Variants in PLCH1 observed in about 807,000 individuals in gnomAD.
The protein encoded by PLCH1 is 1-phosphatidylinositol 4,5-bisphosphate phosphodiesterase eta-1.
PLCH1 carries 60 observed loss-of-function variants against 126.7 expected under a neutral mutation model. The ratio of observed to expected loss-of-function variants is 0.47; its 90% confidence interval spans 0.38 to 0.59. PLCH1 has a LOEUF of 0.59. Ranked by LOEUF, PLCH1 falls within the 20% of genes least tolerant of loss-of-function variation. The probability of loss-of-function intolerance (pLI) is 0.00; values close to 1 mark genes in which losing one functional copy is unlikely to be tolerated. For missense variants in PLCH1, 1,723 were observed against 2,040.0 expected (o/e 0.84, Z 2.99); for synonymous variants, 719 against 734.9 (o/e 0.98, Z 0.35).
At chr3:155,566,404 G>T (rs113159057) in intron 7 of PLCH1, among the ~76,000 whole-genome samples, 2,817 of 146,462 alleles carry the variant, frequency 0.019, 158 homozygotes, top group African/African-American at 0.069. Context: ...GACTTTTTAA[G>T]AATTTTGACT....
chr3:155,664,180 A>T (rs192989776), intron 2 of PLCH1, among the ~76,000 whole-genome samples: 74 of 152,184 alleles, frequency 4.9e-4, no homozygotes, highest in Non-Finnish European at 8.2e-4. Context: ...CTGGGACTGA[A>T]CTCAGGGTGC....
rs896626699 is a variant in PLCH1 at position 155,698,663 on chromosome 3, T to C, written c.79+5483A>G. ...CATAAATGCCAGCATTTTGCTGATA[T>C]GGAAAACTTAGTCCCAAAGAGAACA... On this transcript the variant is annotated intron_variant, in intron 2 of 22. Coordinates refer to ENST00000460012, the MANE Select transcript of PLCH1 (RefSeq NM_014996.4). Among the ~76,000 whole-genome samples the C allele has an allele frequency of 4.6e-5, 7 of 152,326 alleles. No homozygotes were observed. In the East Asian group the frequency reaches 1.3e-3, roughly 29 times the overall value.
chr3:155,501,125 A>G (rs1717825669), intron 13 of PLCH1, among the ~76,000 whole-genome samples: 1 of 152,214 alleles, frequency 6.6e-6, no homozygotes, highest in African/African-American at 2.4e-5. Context: ...TATGTAAATG[A>G]TTATAAGGGA....
intron 8 of PLCH1, among the ~76,000 whole-genome samples, chr3:155,559,163 G>C (rs537730): frequency 0.49 from 74,855 of 151,968 alleles, 21,542 homozygotes; most frequent in Non-Finnish European, 0.66. Flanking sequence ...TGCAATTCAA[G>C]AGTCAGACCA....
chr3:155,480,645 C>T lies in PLCH1; in HGVS notation c.*323G>A, dbSNP rs1713868340. On this transcript the variant is annotated 3_prime_UTR_variant, in exon 23 of 23. Coordinates refer to ENST00000460012, the MANE Select transcript of PLCH1 (RefSeq NM_014996.4). ...TACATTTGTGACTGCAATCTGAGGA[C>T]ACAGTAAAGGACATCTTGGTGAAAC... The T allele has an allele frequency of 4.6e-6, 1 of 216,458 alleles. No homozygotes were observed. The highest frequency in any genetic ancestry group is 2.3e-5 in the African/African-American group (1 of 43,932). The allele number at this position is 216,458 out of a possible 1,614,324, so 13.4% of individuals were successfully genotyped here.
intron 21 of PLCH1, among the ~76,000 whole-genome samples, chr3:155,453,314 G>C (rs1024205484): frequency 6.6e-6 from 1 of 152,124 alleles, no homozygotes; most frequent in African/African-American, 2.4e-5. Context: ...GGGATACATG[G>C]TATAATTTAA....
chr3:155,672,003 A>G (rs1196193229), intron 2 of PLCH1, among the ~76,000 whole-genome samples: 1 of 152,208 alleles, frequency 6.6e-6, no homozygotes, highest in African/African-American at 2.4e-5. Context: ...GGCGTAACAA[A>G]AAACTCTATT....
In PLCH1 at chr3:155,593,947, T is replaced by C. The variant is rs758315778; in HGVS notation, c.464A>G (p.His155Arg). 6.2e-7 allele frequency: 1 copy of C among 1,614,098 alleles called. No homozygotes were observed. The highest frequency in any genetic ancestry group is 8.5e-7 in the Non-Finnish European group (1 of 1,179,998). ...AAAGTTCTAGAAAGGATATTGGTCA[T>C]GGGTCCTCTGCCTTTTGGCAAGGGA... Reference protein sequence around the residue: ...EDSLAKRQRTHDQWVKQTFEE... With the variant: ...EDSLAKRQRTRDQWVKQTFEE... Residue 155 changes from histidine (H) to arginine (R), a missense_variant, in exon 4 of 23, where the codon CAT (histidine) becomes CGT (arginine). This residue lies in a region of PLCH1 where 776 missense variants were observed against 1,062.9 expected (regional missense o/e 0.73). Coordinates refer to ENST00000460012, the MANE Select transcript of PLCH1 (RefSeq NM_014996.4).
At chr3:155,462,055 G>GCTA (rs1712747284) in intron 21 of PLCH1, among the ~76,000 whole-genome samples, 1 of 152,062 alleles carries the variant, frequency 6.6e-6, no homozygotes, top group African/African-American at 2.4e-5. Flanking sequence ...TTCCCAGGCA[G>GCTA]TATTGCTTCT....
chr3:155,611,865 C>A (rs1735141814), intron 2 of PLCH1, among the ~76,000 whole-genome samples: 1 of 152,154 alleles, frequency 6.6e-6, no homozygotes, highest in Non-Finnish European at 1.5e-5. Flanking sequence ...AAAAGAAACG[C>A]TCAAAACTAT....
chr3:155,719,356 G>A (rs934870470), intron 1 of PLCH1, among the ~76,000 whole-genome samples: 1 of 152,002 alleles, frequency 6.6e-6, no homozygotes, highest in African/African-American at 2.4e-5. Flanking sequence ...TCACACACCG[G>A]GGCCTGTTGT....
intron 11 of PLCH1, among the ~76,000 whole-genome samples, chr3:155,516,606 T>A (rs1184248082): frequency 6.6e-6 from 1 of 152,062 alleles, no homozygotes; most frequent in Admixed American, 6.5e-5. Flanking sequence ...ACAGTATTAA[T>A]CTGGCAGCGT....
chr3:155,479,285 T>C (rs1386127911), downstream of PLCH1, among the ~76,000 whole-genome samples: 1 of 152,010 alleles, frequency 6.6e-6, no homozygotes, highest in Admixed American at 6.6e-5. Flanking sequence ...GATTCAGAAC[T>C]CCCAAGAAAA....
chr3:155,599,141 T>G (rs1322470739), intron 2 of PLCH1, among the ~76,000 whole-genome samples: 3 of 151,750 alleles, frequency 2.0e-5, no homozygotes, highest in Non-Finnish European at 4.4e-5. Context: ...CATCCAGCAT[T>G]GTGAGTAATA....
intron 10 of PLCH1, among the ~76,000 whole-genome samples, chr3:155,525,643 C>G (rs182038028): frequency 1.3e-5 from 2 of 152,164 alleles, no homozygotes; most frequent in South Asian, 4.1e-4. Context: ...TCACAAGCCC[C>G]TCTTTCACAG....
chr3:155,484,249 T>G (rs1354880094), intron 22 of PLCH1, among the ~76,000 whole-genome samples: 1 of 152,222 alleles, frequency 6.6e-6, no homozygotes, highest in Non-Finnish European at 1.5e-5. Context: ...ACATCTTAAC[T>G]GTGGCATTAA....
At chr3:155,516,323 C>T (rs1216697669) in intron 11 of PLCH1, among the ~76,000 whole-genome samples, 1 of 152,158 alleles carries the variant, frequency 6.6e-6, no homozygotes, top group African/African-American at 2.4e-5. Flanking sequence ...GAAGGCCCCA[C>T]AAAAGAGGTG....
intron 21 of PLCH1, chr3:155,485,971 T>G: frequency 1.7e-6 from 1 of 605,926 alleles, no homozygotes; most frequent in Non-Finnish European, 2.9e-6. Context: ...GATGACAAAG[T>G]GGTAGGAAAA....
chr3:155,512,233 A>G (rs1255286381), intron 12 of PLCH1, among the ~76,000 whole-genome samples: 2 of 152,242 alleles, frequency 1.3e-5, no homozygotes, highest in East Asian at 1.9e-4. Flanking sequence ...TAGGAAACAG[A>G]TATCTACAAA....
Sources: allele counts gnomAD v4.1 joint callset (sites outside exome capture counted in the v4.1 genomes callset), GRCh38; gene constraint gnomAD v4.1.1; regional missense constraint gnomAD v4.1.1; transcripts MANE v1.5; gene names NCBI Gene and HGNC (gene_info 2026-07-23, HGNC 2026-07-21).